The following CFTR variants were observed in gnomAD, a reference collection of about 807,000 sequenced individuals.
The protein encoded by CFTR is cystic fibrosis transmembrane conductance regulator.
In CFTR, 181 loss-of-function variants were observed where a neutral mutation model predicts 171.6. That is an observed-to-expected ratio of 1.05 (90% CI 0.93 to 1.19). The LOEUF (loss-of-function observed/expected upper bound fraction) is 1.19. Among genes scored for constraint, CFTR ranks in the 50% most tolerant of loss-of-function variants. The pLI, the probability that CFTR is intolerant of heterozygous loss-of-function variation, is 0.00. For synonymous variants in CFTR, 583 were observed against 608.0 expected (o/e 0.96, Z 0.60); for missense variants, 1,968 against 1,734.7 (o/e 1.13, Z -2.39).
intron 24 of CFTR, among the ~76,000 whole-genome samples, chr7:117,654,711 C>G (rs1793142582): frequency 6.6e-6 from 1 of 152,176 alleles, no homozygotes; most frequent in African/African-American, 2.4e-5. Flanking sequence ...CCTTCCCAGC[C>G]ATGTGGAACT....
Position 117,652,847 on chromosome 7 carries a change from A to G in CFTR, c.3879A>G (p.Val1293=). ...RKAFGVIPQK[V]FIFSGTFRKN... is the part of the protein sequence containing the mutation. Reference sequence around the variant, plus strand: ...TCTTTTCTTTTTTGCTATAGAAAGTATTTATTTTTTCTGGAACATTTAGAA... The same window carrying G: ...TCTTTTCTTTTTTGCTATAGAAAGTGTTTATTTTTTCTGGAACATTTAGAA... The change falls in exon 24 of 27, where the codon GTA becomes GTG. Residue 1293 remains valine (V), a synonymous_variant. Coordinates refer to ENST00000003084, the MANE Select transcript of CFTR (RefSeq NM_000492.4). 6.8e-7 allele frequency: 1 copy of G among 1,470,108 alleles called. No homozygotes were observed. Among genetic ancestry groups the G allele is most frequent in the Non-Finnish European group, 9.5e-7 (1 of 1,051,356 alleles). The allele number at this position is 1,470,108 out of a possible 1,614,324, so 91.1% of individuals were successfully genotyped here. A position where few individuals can be genotyped will look rare whatever the true frequency, so the allele number is the denominator to read the frequency against.
Position 117,480,061 on chromosome 7 carries a change from C to T in CFTR, c.-34C>T, listed in dbSNP as rs756314710. The T allele has an allele frequency of 1.2e-6, 2 of 1,606,160 alleles. No homozygotes were observed. Among genetic ancestry groups the T allele is most frequent in the East Asian group, 4.5e-5 (2 of 44,818 alleles). On this transcript the variant is annotated 5_prime_UTR_variant, in exon 1 of 27. In the 5' UTR this introduces an upstream ATG that the reference lacks. Coordinates refer to ENST00000003084, the MANE Select transcript of CFTR (RefSeq NM_000492.4). The stretch of plus-strand genomic sequence containing the variant: ...TTGGCATTAGGAGCTTGAGCCCAGA[C>T]GGCCCTAGCAGGGACCCCAGCGCCC...
chr7:117,513,221 A>G (rs1398809233), intron 3 of CFTR, among the ~76,000 whole-genome samples: 1 of 152,164 alleles, frequency 6.6e-6, no homozygotes, highest in Non-Finnish European at 1.5e-5. Flanking sequence ...CTTGTATACC[A>G]TCTTGAGGTT....
At chr7:117,625,838 CTA>C (rs1319109619) in intron 21 of CFTR, among the ~76,000 whole-genome samples, 1 of 152,084 alleles carries the variant, frequency 6.6e-6, no homozygotes, top group Non-Finnish European at 1.5e-5. Flanking sequence ...TAGCAGCTCT[CTA>C]TGAAAATTAG....
intron 9 of CFTR, among the ~76,000 whole-genome samples, chr7:117,545,797 T>A (rs970962059): frequency 2.7e-5 from 4 of 150,744 alleles, no homozygotes; most frequent in Non-Finnish European, 4.4e-5. Flanking sequence ...TATCATCACT[T>A]ATTTTTTTTT....
intron 8 of CFTR, 62 bp from the exon 9 acceptor site, chr7:117,541,954 T>A: frequency 1.3e-6 from 1 of 758,408 alleles, no homozygotes; most frequent in Non-Finnish European, 2.4e-6. Flanking sequence ...ATAAAGTAGA[T>A]GTAATAATGC....
intron 3 of CFTR, among the ~76,000 whole-genome samples, chr7:117,518,464 A>G (rs1798632979): frequency 1.4e-5 from 2 of 147,576 alleles, no homozygotes; most frequent in Admixed American, 1.4e-4. Context: ...ACATATGTGT[A>G]TATATATGTC....
At chr7:117,559,789 TG>T in intron 11 of CFTR, 134 bp downstream of exon 11, 1 of 646,096 alleles carries the variant, frequency 1.5e-6, no homozygotes, top group Non-Finnish European at 2.7e-6. Context: ...CTACTGTGAA[TG>T]GATCAATTAA....
chr7:117,512,871 T>C (rs1798542826), intron 3 of CFTR, among the ~76,000 whole-genome samples: 1 of 152,096 alleles, frequency 6.6e-6, no homozygotes, highest in Admixed American at 6.6e-5. Context: ...ACCAACAAAT[T>C]GAGGCATATG....
At position 117,592,467 on chromosome 7, in the gene CFTR, A is replaced by T; in HGVS notation, c.2300A>T (p.Gln767Leu). Reference protein sequence around the residue: ...TGPTLQARRRQSVLNLMTHSV... With the variant: ...TGPTLQARRRLSVLNLMTHSV... ...CCCACGCTTCAGGCACGAAGGAGGCAGTCTGTCCTGAACCTGATGACACAC... is the reference window on the plus strand; with the variant it reads ...CCCACGCTTCAGGCACGAAGGAGGCTGTCTGTCCTGAACCTGATGACACAC... The change falls in exon 14 of 27, where the codon CAG becomes CTG. Residue 767 changes from glutamine to leucine, a missense_variant. Physicochemically the swap from Gln to Leu is moderately radical, Grantham distance 113 (BLOSUM62 -2). Coordinates refer to ENST00000003084, the MANE Select transcript of CFTR (RefSeq NM_000492.4). The T allele has an allele frequency of 6.3e-7, 1 of 1,580,858 alleles. No homozygotes were observed. The highest frequency in any genetic ancestry group is 8.6e-7 in the Non-Finnish European group (1 of 1,164,572).
At chr7:117,489,770 A>G (rs1798127310) in intron 1 of CFTR, among the ~76,000 whole-genome samples, 1 of 151,804 alleles carries the variant, frequency 6.6e-6, no homozygotes, top group Non-Finnish European at 1.5e-5. Flanking sequence ...GGATCAATCT[A>G]GTGTGCTAAA....
intron 14 of CFTR, 123 bp downstream of exon 14, chr7:117,592,780 A>G (rs1342032563): frequency 7.6e-6 from 6 of 792,734 alleles, no homozygotes; most frequent in Non-Finnish European, 1.1e-5. Flanking sequence ...CTTAAAACTC[A>G]GAAAGTATGA....
intron 3 of CFTR, among the ~76,000 whole-genome samples, chr7:117,518,380 T>G (rs962736136): frequency 6.8e-6 from 1 of 146,870 alleles, no homozygotes; most frequent in Admixed American, 6.9e-5. Context: ...AAATATATAA[T>G]ACTATAAATA....
intron 12 of CFTR, 102 bp from the exon 13 acceptor site, chr7:117,590,251 C>T (rs562449422): frequency 2.9e-6 from 4 of 1,368,570 alleles, no homozygotes; most frequent in South Asian, 2.5e-5. Flanking sequence ...GATGTGGTGA[C>T]CATATTGTAA....
At chr7:117,514,968 C>T (rs538272089) in intron 3 of CFTR, among the ~76,000 whole-genome samples, 1 of 151,810 alleles carries the variant, frequency 6.6e-6, no homozygotes, top group East Asian at 1.9e-4. Context: ...TGTGAAGTGT[C>T]TGTTCATATC....
intron 15 of CFTR, among the ~76,000 whole-genome samples, chr7:117,601,023 C>T (rs1172692651): frequency 6.6e-6 from 1 of 151,988 alleles, no homozygotes; most frequent in East Asian, 1.9e-4. Flanking sequence ...AGTCTTTGAA[C>T]ATCACTTTGG....
chr7:117,501,747 C>CAAAAAAAAAAA (rs1212853305), intron 1 of CFTR, among the ~76,000 whole-genome samples: 24 of 43,874 alleles, frequency 5.5e-4, no homozygotes, highest in East Asian at 1.3e-3. Context: ...AACTCTGTCT[C>CAAAAAAAAAAA]AAAAAAAAAA....
intron 22 of CFTR, among the ~76,000 whole-genome samples, chr7:117,632,665 G>T (rs777077658): frequency 2.0e-5 from 3 of 152,174 alleles, no homozygotes; most frequent in Non-Finnish European, 2.9e-5. Context: ...GTTAGGGAAT[G>T]GGTGGTTACT....
At chr7:117,488,703 A>G (rs1798111481) in intron 1 of CFTR, among the ~76,000 whole-genome samples, 3 of 152,260 alleles carry the variant, frequency 2.0e-5, no homozygotes, top group South Asian at 4.1e-4. Context: ...ACAATAAAAG[A>G]TAATAACTCT....
Sources: gnomAD v4.1 joint callset for allele counts (sites outside exome capture counted in the v4.1 genomes callset) on GRCh38, gnomAD v4.1.1 for gene constraint, MANE v1.5 for transcripts, NCBI Gene and HGNC (gene_info 2026-07-23, HGNC 2026-07-21) for gene names.